Variants in CABIN1 observed in about 807,000 individuals in gnomAD.
The protein encoded by CABIN1 is calcineurin-binding protein cabin-1.
In CABIN1, 133 loss-of-function variants were observed where a neutral mutation model predicts 227.7. The observed-to-expected ratio is 0.58, with a 90% CI of 0.51 to 0.67. The LOEUF (loss-of-function observed/expected upper bound fraction) is 0.67, where lower values mean the gene tolerates loss of function less well. Among genes scored for constraint, CABIN1 ranks in the 30% least tolerant of loss-of-function variants. The pLI is 0.00. For synonymous variants in CABIN1, 1,086 were observed against 1,155.1 expected (o/e 0.94, Z 1.21); for missense variants, 2,408 against 2,852.5 (o/e 0.84, Z 3.55).
intron 27 of CABIN1, among the ~76,000 whole-genome samples, chr22:24,115,853 A>G (rs142627266): frequency 3.3e-5 from 5 of 152,232 alleles, no homozygotes; most frequent in African/African-American, 1.2e-4. Flanking sequence ...TGCTTCCTCC[A>G]TCATTAATGT....
chr22:24,112,321 G>A (rs1253690126), intron 26 of CABIN1, among the ~76,000 whole-genome samples: 1 of 152,164 alleles, frequency 6.6e-6, no homozygotes, highest in Non-Finnish European at 1.5e-5. Context: ...GCTGGCTTGG[G>A]TTTTGTTGTT....
intron 33 of CABIN1, among the ~76,000 whole-genome samples, chr22:24,169,974 G>A (rs1023710844): frequency 6.6e-6 from 1 of 152,112 alleles, no homozygotes; most frequent in African/African-American, 2.4e-5. Flanking sequence ...GGGTTATGGG[G>A]GTGGCCAGAG....
chr22:24,060,835 G>A (rs1389619245), intron 12 of CABIN1, among the ~76,000 whole-genome samples: 2 of 152,140 alleles, frequency 1.3e-5, no homozygotes, highest in Admixed American at 1.3e-4. Flanking sequence ...GGGAGGCGGA[G>A]CTTGCAGTGA....
intron 29 of CABIN1, 51 bp from the exon 30 acceptor site, chr22:24,164,349 G>C: frequency 6.3e-7 from 1 of 1,597,168 alleles, no homozygotes; most frequent in Non-Finnish European, 8.5e-7. Flanking sequence ...GTGTCCCCGA[G>C]GCTCCTGCCA....
intron 5 of CABIN1, among the ~76,000 whole-genome samples, chr22:24,042,164 C>A (rs1392528976): frequency 6.6e-6 from 1 of 152,200 alleles, no homozygotes; most frequent in Non-Finnish European, 1.5e-5. Flanking sequence ...CCATGTTACC[C>A]AGGCTGCTCT....
At chr22:24,121,252 G>A (rs1460823418) in intron 28 of CABIN1, among the ~76,000 whole-genome samples, 1 of 152,192 alleles carries the variant, frequency 6.6e-6, no homozygotes, top group Non-Finnish European at 1.5e-5. Context: ...CTATGTGCAG[G>A]AAGTGGCACT....
At chr22:24,115,481 G>A (rs1377297594) in intron 27 of CABIN1, among the ~76,000 whole-genome samples, 1 of 152,224 alleles carries the variant, frequency 6.6e-6, no homozygotes, top group East Asian at 1.9e-4. Context: ...CCATGGCCAT[G>A]TTGCTCCTCT....
At chr22:24,096,950 T>G (rs1474809163) in intron 25 of CABIN1, among the ~76,000 whole-genome samples, 4 of 152,220 alleles carry the variant, frequency 2.6e-5, no homozygotes, top group African/African-American at 9.6e-5. Flanking sequence ...CCAGGCCCTG[T>G]GCTTGAGGGC....
rs9620354 is a variant in CABIN1, at chr22:24,060,086, A to G, written c.1562A>G (p.His521Arg). 1.2e-6 allele frequency: 2 copies of G among 1,614,040 alleles called. No individual in the cohort carries two copies. Among genetic ancestry groups the G allele is most frequent in the Non-Finnish European group, 1.7e-6 (2 of 1,180,018 alleles). ...AGCGTCTACCACAGCTGGAGGAGGC[A>G]CAGCACCAGCCTGCCCAACCCGCTG... ...VLSVYHSWRR[H>R]STSLPNPLLR... The change falls in exon 12 of 37, where the codon CAC becomes CGC. Residue 521 changes from histidine (H) to arginine (R), a missense_variant. Physicochemically the swap from His to Arg is conservative, Grantham distance 29 (BLOSUM62 0). Coordinates refer to ENST00000263119, the MANE Select transcript of CABIN1 (RefSeq NM_012295.4).
intron 1 of CABIN1, among the ~76,000 whole-genome samples, chr22:24,014,834 C>T (rs1201414616): frequency 6.6e-6 from 1 of 152,194 alleles, no homozygotes; most frequent in Admixed American, 6.5e-5. Flanking sequence ...CCCTGTATAG[C>T]TAACTTTGGT....
intron 32 of CABIN1, 42 bp from the exon 33 acceptor site, chr22:24,168,405 C>A: frequency 6.5e-7 from 1 of 1,544,008 alleles, no homozygotes. Flanking sequence ...AGGCTAACCA[C>A]AATGGCCTGC....
At chr22:24,149,236 C>T (rs1018277077) in intron 29 of CABIN1, among the ~76,000 whole-genome samples, 1 of 152,244 alleles carries the variant, frequency 6.6e-6, no homozygotes, top group Non-Finnish European at 1.5e-5. Context: ...CAGCCTCAGG[C>T]TCCAATCCTG....
rs1309412897 is a variant in CABIN1 at position 24,062,974 on chromosome 22, G to A, written c.1712G>A (p.Cys571Tyr). Reference protein sequence around the residue: ...GRSSAVSPRNCPAGMVNGRFG... With the variant: ...GRSSAVSPRNYPAGMVNGRFG... ...TGGTTTTTAGTGTCTCCTCGGAACTGCCCTGCTGGTATGGTGAATGGCAGA... is the reference window on the plus strand; with the variant it reads ...TGGTTTTTAGTGTCTCCTCGGAACTACCCTGCTGGTATGGTGAATGGCAGA... Residue 571 changes from cysteine to tyrosine, a missense_variant, in exon 14 of 37, where the codon TGC (cysteine) becomes TAC (tyrosine). Physicochemically the swap from Cys to Tyr is radical, Grantham distance 194. Coordinates refer to ENST00000263119, the MANE Select transcript of CABIN1 (RefSeq NM_012295.4). The A allele has an allele frequency of 4.3e-6, 7 of 1,614,060 alleles. No individual in the cohort carries two copies. The highest frequency in any genetic ancestry group is 1.7e-5 in the Admixed American group (1 of 60,010).
intron 27 of CABIN1, among the ~76,000 whole-genome samples, chr22:24,117,942 A>T (rs1217773723): frequency 6.6e-6 from 1 of 152,252 alleles, no homozygotes; most frequent in East Asian, 1.9e-4. Context: ...TATCCCCTGT[A>T]AGATGGGTGC....
intron 8 of CABIN1, among the ~76,000 whole-genome samples, chr22:24,052,396 A>G (rs1030859397): frequency 6.6e-5 from 10 of 152,172 alleles, no homozygotes; most frequent in African/African-American, 2.2e-4. Context: ...TTTCCTTTAA[A>G]GAGCCAGAGA....
chr22:24,036,711 A>G (rs1162118567), intron 3 of CABIN1, among the ~76,000 whole-genome samples: 2 of 152,188 alleles, frequency 1.3e-5, no homozygotes, highest in East Asian at 3.9e-4. Context: ...CCCTTCTCCT[A>G]TCCTAGTGTA....
chr22:24,146,947 C>A (rs954563651), intron 29 of CABIN1, among the ~76,000 whole-genome samples: 3 of 152,232 alleles, frequency 2.0e-5, no homozygotes, highest in African/African-American at 7.2e-5. Context: ...AGTGGCAGAG[C>A]CCAGACTGGG....
intron 26 of CABIN1, among the ~76,000 whole-genome samples, chr22:24,109,372 A>AT (rs555992246): frequency 0.054 from 7,755 of 142,882 alleles, 314 homozygotes; most frequent in East Asian, 0.15. Flanking sequence ...CGCCTGCCTA[A>AT]TTTTTTTTTT....
intron 29 of CABIN1, among the ~76,000 whole-genome samples, chr22:24,147,665 AACT>A (rs1242407253): frequency 6.6e-6 from 1 of 151,742 alleles, no homozygotes; most frequent in Non-Finnish European, 1.5e-5. Context: ...GATGGTGTCA[AACT>A]CCTGGGCTCA....
Sources: allele counts gnomAD v4.1 joint callset (sites outside exome capture counted in the v4.1 genomes callset), GRCh38; gene constraint gnomAD v4.1.1; transcripts MANE v1.5; gene names NCBI Gene and HGNC (gene_info 2026-07-23, HGNC 2026-07-21).